MTMR10: variants seen among roughly 807,000 people sequenced by gnomAD.
The protein encoded by MTMR10 is myotubularin related protein 10, also known as myotubularin-related protein 10.
A neutral mutation model predicts 88.1 loss-of-function variants in MTMR10; 56 were observed. The ratio of observed to expected loss-of-function variants is 0.64; its 90% CI spans 0.51 to 0.79. The LOEUF is 0.79. Ranked by LOEUF, MTMR10 falls within the 30% of genes least tolerant of loss-of-function variation. The probability of loss-of-function intolerance (pLI) is 0.00; values close to 1 mark genes in which losing one functional copy is unlikely to be tolerated. For synonymous variants in MTMR10, 380 were observed against 340.9 expected (o/e 1.11, Z -1.26); for missense variants, 883 against 924.7 (o/e 0.95, Z 0.58).
rs1043742 is a variant in MTMR10, at chr15:30,940,378, A to C, written c.*1092T>G. 317,435 of 984,986 alleles carry C rather than the reference A, an allele frequency of 0.32. 52,266 individuals carry two copies. Among genetic ancestry groups the C allele is most frequent in the Non-Finnish European group, 0.34 (279,618 of 829,658 alleles). The allele number at this position is 984,986 out of a possible 1,614,324, so 61.0% of individuals were successfully genotyped here. A position where few individuals can be genotyped will look rare whatever the true frequency, so the allele number is the denominator to read the frequency against. On this transcript the variant is annotated 3_prime_UTR_variant, in exon 16 of 16. Transcript: ENST00000435680. ...GGGCTGGGGGAGCACTTCTGTCGCTATTCAAATGGCAGTGTTTTGAGAGAA... is the reference window on the plus strand; with the variant it reads ...GGGCTGGGGGAGCACTTCTGTCGCTCTTCAAATGGCAGTGTTTTGAGAGAA...
Position 30,940,495 on chromosome 15 carries a change from A to T in MTMR10, c.*975T>A, listed in dbSNP as rs2063007104. The T allele has an allele frequency of 2.0e-6, 2 of 985,466 alleles. No homozygotes were observed. Among genetic ancestry groups the T allele is most frequent in the East Asian group, 2.3e-4 (2 of 8,818 alleles). The allele number at this position is 985,466 out of a possible 1,614,324, so 61.0% of individuals were successfully genotyped here. On this transcript the variant is annotated 3_prime_UTR_variant, in exon 16 of 16. Transcript: ENST00000435680. ...TGCCCAACTCGTAACCTCATTAGTT[A>T]TTTCCAGGGGGAAGTGCCAGCAATA...
At chr15:30,950,684 G>T (rs1364931636) in intron 12 of MTMR10, among the ~76,000 whole-genome samples, 1 of 142,802 alleles carries the variant, frequency 7.0e-6, no homozygotes, top group Non-Finnish European at 1.6e-5. Context: ...AAAAAAAAAA[G>T]TACTTCTGCA....
chr15:30,941,660 C>T lies in MTMR10; in HGVS notation c.2144G>A (p.Arg715Lys), dbSNP rs773490839. Residue 715 changes from arginine (R) to lysine (K), a missense_variant, in exon 16 of 16, where the codon AGG (arginine) becomes AAG (lysine). Transcript: ENST00000435680. Reference sequence around the variant, plus strand: ...AGGGCCGCTGGCGTTGAAGTACATCCTGCTCTGGCCCAGCTCCCCATAGCA... The same window carrying T: ...AGGGCCGCTGGCGTTGAAGTACATCTTGCTCTGGCCCAGCTCCCCATAGCA... ...EACYGELGQS[R>K]MYFNASGPHH... 1 of 1,612,762 alleles carries T rather than the reference C, an allele frequency of 6.2e-7. No individual in the cohort carries two copies. The highest frequency in any genetic ancestry group is 1.7e-5 in the Admixed American group (1 of 59,770).
the MTMR10 span, among the ~76,000 whole-genome samples, chr15:30,929,561 A>T: frequency 1.0e-4 from 13 of 128,814 alleles, no homozygotes; most frequent in African/African-American, 3.0e-4. Context: ...AATATATATT[A>T]TATCTTTATT....
At chr15:30,925,415 C>A in the MTMR10 span, 2 of 935,130 alleles carry the variant, frequency 2.1e-6, no homozygotes, top group Non-Finnish European at 3.2e-6. Context: ...ATCTAAAACT[C>A]GTTTTGGACG....
chr15:30,987,675 T>G (rs2031026816), intron 2 of MTMR10, among the ~76,000 whole-genome samples: 1 of 143,440 alleles, frequency 7.0e-6, no homozygotes, highest in Non-Finnish European at 1.6e-5. Flanking sequence ...CTCTAACAAT[T>G]AATTCTTTTT....
rs547243810 is a variant in MTMR10, at chr15:30,951,989, G to A, written c.1186C>T (p.His396Tyr). 6.2e-7 allele frequency: 1 copy of A among 1,613,796 alleles called. No individual in the cohort carries two copies. Among genetic ancestry groups the A allele is most frequent in the South Asian group, 1.1e-5 (1 of 91,088 alleles). Residue 396 changes from histidine to tyrosine, a missense_variant, in exon 12 of 16, where the codon CAT becomes TAT. Coordinates refer to ENST00000435680, the MANE Select transcript of MTMR10 (RefSeq NM_017762.3). ...TTACCTTGTAGGACTACAGAGAGATGTTTGCTTTCTAGCATGTATACAAGT... is the reference window on the plus strand; with the variant it reads ...TTACCTTGTAGGACTACAGAGAGATATTTGCTTTCTAGCATGTATACAAGT... ...AELVYMLESK[H>Y]LSVVLQEEEG...
chr15:30,971,880 T>C (rs1477693405), intron 5 of MTMR10, among the ~76,000 whole-genome samples: 1 of 152,098 alleles, frequency 6.6e-6, no homozygotes, highest in Non-Finnish European at 1.5e-5. Context: ...TCGAGGATAA[T>C]GAGGATGAAT....
At chr15:30,922,811 CTG>C in the MTMR10 span, among the ~76,000 whole-genome samples, 1 of 152,236 alleles carries the variant, frequency 6.6e-6, no homozygotes, top group East Asian at 1.9e-4. Flanking sequence ...ATGCGTGACT[CTG>C]TACTTCTGTG....
chr15:30,974,190 G>A (rs1393535392), intron 5 of MTMR10, 124 bp downstream of exon 5: 2 of 929,232 alleles, frequency 2.2e-6, no homozygotes, highest in African/African-American at 3.5e-5. Flanking sequence ...CTTTACTTAA[G>A]AAGATGTCTG....
At position 30,959,041 on chromosome 15, in the gene MTMR10, C is replaced by G; in HGVS notation, c.839G>C (p.Arg280Thr). 6.2e-7 allele frequency: 1 copy of G among 1,613,660 alleles called. No homozygotes were observed. Among genetic ancestry groups the G allele is most frequent in the Non-Finnish European group, 8.5e-7 (1 of 1,179,676 alleles). Residue 280 changes from arginine (R) to threonine (T), a missense_variant, in exon 8 of 16, where the codon AGG (arginine) becomes ACG (threonine). Coordinates refer to ENST00000435680, the MANE Select transcript of MTMR10 (RefSeq NM_017762.3). ...KIFSHSFVGR[R>T]MPLWCWSHSN... Reference sequence around the variant, plus strand: ...CCAACAGAAATCACTTACTGGCATCCTTCTCCCAACAAAAGAATGGGAAAA... The same window carrying G: ...CCAACAGAAATCACTTACTGGCATCGTTCTCCCAACAAAAGAATGGGAAAA...
At chr15:30,988,016 A>T (rs560638418) in intron 2 of MTMR10, among the ~76,000 whole-genome samples, 1 of 152,130 alleles carries the variant, frequency 6.6e-6, no homozygotes, top group Non-Finnish European at 1.5e-5. Flanking sequence ...GGCAAGAACT[A>T]TATTATTCAC....
At chr15:30,926,026 CCT>C in the MTMR10 span, 84 of 1,342,906 alleles carry the variant, frequency 6.3e-5, no homozygotes, top group Non-Finnish European at 7.9e-5. Context: ...GGGCTGCTGT[CCT>C]CTCTCTGTCC....
intron 9 of MTMR10, 128 bp from the exon 10 acceptor site, chr15:30,955,021 C>G (rs2063302372): frequency 1.9e-6 from 1 of 513,236 alleles, no homozygotes; most frequent in African/African-American, 2.1e-5. Context: ...ATGGAGTTTA[C>G]TTTTTTTTTT....
intron 5 of MTMR10, 165 bp from the exon 6 acceptor site, chr15:30,968,175 G>C: frequency 2.2e-6 from 1 of 459,532 alleles, no homozygotes; most frequent in Admixed American, 4.0e-5. Context: ...TTAAGGCCAG[G>C]TATCTCATTC....
At chr15:30,955,649 G>C (rs183073833) in intron 9 of MTMR10, among the ~76,000 whole-genome samples, 3 of 152,210 alleles carry the variant, frequency 2.0e-5, no homozygotes, top group Non-Finnish European at 4.4e-5. Flanking sequence ...ACTGCCAAGG[G>C]GGGGGCGGGG....
chr15:30,962,665 A>G (rs1023316925), intron 6 of MTMR10, among the ~76,000 whole-genome samples: 1 of 152,218 alleles, frequency 6.6e-6, no homozygotes, highest in African/African-American at 2.4e-5. Flanking sequence ...GGTATAAGAC[A>G]GGTATTTTCT....
intron 2 of MTMR10, among the ~76,000 whole-genome samples, chr15:30,984,881 C>A (rs1249294627): frequency 6.6e-6 from 1 of 152,152 alleles, no homozygotes; most frequent in African/African-American, 2.4e-5. Flanking sequence ...TTCTTGACAC[C>A]CCTGCCCTAC....
chr15:30,923,732 C>T, the MTMR10 span, among the ~76,000 whole-genome samples: 28,984 of 152,232 alleles, frequency 0.19, 3,001 homozygotes, highest in African/African-American at 0.28. Flanking sequence ...GAGTCTCATT[C>T]TCCCATCTTC....
Sources: gnomAD v4.1 joint callset for allele counts (sites outside exome capture counted in the v4.1 genomes callset) on GRCh38, gnomAD v4.1.1 for gene constraint, MANE v1.5 for transcripts, NCBI Gene and HGNC (gene_info 2026-07-23, HGNC 2026-07-21) for gene names.